Variants in GLIS1 observed in about 807,000 individuals in gnomAD.
The protein encoded by GLIS1 is zinc finger protein GLIS1.
A neutral mutation model predicts 63.8 loss-of-function variants in GLIS1; 24 were observed. That is an observed-to-expected ratio of 0.38 (90% CI 0.27 to 0.53). The LOEUF (loss-of-function observed/expected upper bound fraction) is 0.53, where lower values mean the gene tolerates loss of function less well. Among genes scored for constraint, GLIS1 ranks in the 20% least tolerant of loss-of-function variants. The pLI is 0.85. For missense variants in GLIS1, 1,036 were observed against 1,074.1 expected, an observed-to-expected ratio of 0.96 and a Z score of 0.50; for synonymous variants, 450 against 482.5, an observed-to-expected ratio of 0.93 and a Z score of 0.88.
chr1:53,507,105 C>T (rs1318227278), intron 10 of GLIS1, among the ~76,000 whole-genome samples: 1 of 152,134 alleles, frequency 6.6e-6, no homozygotes, highest in Non-Finnish European at 1.5e-5. Flanking sequence ...GTAGGAGCAG[C>T]TCAGCCCTTG....
At chr1:53,708,064 C>G (rs948758514) in intron 2 of GLIS1, among the ~76,000 whole-genome samples, 1 of 151,976 alleles carries the variant, frequency 6.6e-6, no homozygotes, top group Non-Finnish European at 1.5e-5. Context: ...AGGCAGATCA[C>G]AAGGTCAGGA....
At chr1:53,708,363 A>G (rs1474140314) in intron 2 of GLIS1, among the ~76,000 whole-genome samples, 4 of 152,212 alleles carry the variant, frequency 2.6e-5, no homozygotes, top group Non-Finnish European at 5.9e-5. Flanking sequence ...AAGTGGGGGT[A>G]GTACTTCTTC....
In GLIS1 at chr1:53,612,130, C is replaced by A. The variant is rs894526725; in HGVS notation, c.260-11852G>T. ...TACAGGTGTAAACCATCACACCTAG[C>A]CCACTTCTCAACTTCATAACTGCCA... On this transcript the variant is annotated intron_variant, in intron 2 of 10. Coordinates refer to ENST00000628545, the MANE Select transcript of GLIS1 (RefSeq NM_001367484.1). Among the ~76,000 whole-genome samples the A allele has an allele frequency of 3.3e-5, 5 of 152,346 alleles. No homozygotes were observed. In the East Asian group the frequency reaches 7.7e-4, roughly 23 times the overall value.
intron 2 of GLIS1, among the ~76,000 whole-genome samples, chr1:53,633,813 G>A (rs1381596353): frequency 6.6e-6 from 1 of 152,090 alleles, no homozygotes; most frequent in Admixed American, 6.5e-5. Flanking sequence ...GCGTGGGGGG[G>A]ATAGGGGGAG....
At chr1:53,532,635 G>A (rs1290698315) in intron 4 of GLIS1, among the ~76,000 whole-genome samples, 4 of 152,364 alleles carry the variant, frequency 2.6e-5, no homozygotes, top group Non-Finnish European at 2.9e-5. Context: ...GTGAGATGGG[G>A]GAGCCCGGGC....
At chr1:53,569,818 A>T (rs1644967878) in intron 4 of GLIS1, among the ~76,000 whole-genome samples, 1 of 152,106 alleles carries the variant, frequency 6.6e-6, no homozygotes, top group African/African-American at 2.4e-5. Context: ...AAAAGTAATT[A>T]AAAAAGATAA....
chr1:53,669,963 G>T (rs1646134772), intron 2 of GLIS1, among the ~76,000 whole-genome samples: 1 of 152,168 alleles, frequency 6.6e-6, no homozygotes, highest in South Asian at 2.1e-4. Flanking sequence ...AGCTTGTTTT[G>T]TCAGACAAGC....
intron 2 of GLIS1, among the ~76,000 whole-genome samples, chr1:53,636,765 T>C (rs1469242950): frequency 2.0e-5 from 3 of 152,218 alleles, no homozygotes; most frequent in Admixed American, 1.3e-4. Flanking sequence ...CGACGCCTAC[T>C]GGGCCTTCTG....
chr1:53,570,966 C>T (rs1050203012), intron 4 of GLIS1, among the ~76,000 whole-genome samples: 1 of 152,010 alleles, frequency 6.6e-6, no homozygotes, highest in African/African-American at 2.4e-5. Context: ...AAATTCCACT[C>T]ATGAAAATGA....
intron 2 of GLIS1, among the ~76,000 whole-genome samples, chr1:53,721,073 T>A (rs182283095): frequency 6.6e-6 from 1 of 151,650 alleles, no homozygotes; most frequent in African/African-American, 2.4e-5. Context: ...AACACAAAAA[T>A]CACTTTTTTA....
chr1:53,736,914 G>A (rs1489792736), intron 2 of GLIS1, among the ~76,000 whole-genome samples: 2 of 151,950 alleles, frequency 1.3e-5, no homozygotes, highest in Non-Finnish European at 2.9e-5. Flanking sequence ...AGAATCATCT[G>A]GAATGAGAAC....
chr1:53,552,602 GC>G (rs1365558141), intron 4 of GLIS1, among the ~76,000 whole-genome samples: 1 of 152,204 alleles, frequency 6.6e-6, no homozygotes, highest in African/African-American at 2.4e-5. Flanking sequence ...GAGAAGAAAA[GC>G]AAACATTCCC....
chr1:53,600,346 G>T, intron 2 of GLIS1, 68 bp from the exon 3 acceptor site: 1 of 1,053,714 alleles, frequency 9.5e-7, no homozygotes, highest in Non-Finnish European at 1.2e-6. Flanking sequence ...GGTATGGGGA[G>T]AGGGCAGTCC....
intron 4 of GLIS1, among the ~76,000 whole-genome samples, chr1:53,544,663 C>T (rs182499969): frequency 6.6e-6 from 1 of 152,324 alleles, no homozygotes; most frequent in East Asian, 1.9e-4. Context: ...TCCCTGGTCC[C>T]TCTCCAGGTT....
intron 8 of GLIS1, among the ~76,000 whole-genome samples, chr1:53,512,879 G>A (rs768815584): frequency 7.0e-4 from 107 of 152,156 alleles, no homozygotes; most frequent in Non-Finnish European, 1.2e-3. Context: ...GTGAGCAGGT[G>A]GCCTGAGCAG....
chr1:53,614,802 G>A (rs374362472), intron 2 of GLIS1, among the ~76,000 whole-genome samples: 33 of 142,740 alleles, frequency 2.3e-4, no homozygotes, highest in African/African-American at 7.5e-4. Flanking sequence ...GCACACACAC[G>A]CACACACATG....
At chr1:53,515,628 G>T (rs1477827984) in intron 7 of GLIS1, among the ~76,000 whole-genome samples, 1 of 151,760 alleles carries the variant, frequency 6.6e-6, no homozygotes, top group East Asian at 1.9e-4. Context: ...AATCAATGGG[G>T]GACACTAGGT....
chr1:53,734,222 A>G (rs2100581082), intron 2 of GLIS1: 1 of 984,148 alleles, frequency 1.0e-6, no homozygotes, highest in East Asian at 1.1e-4. Context: ...CCAGTGAGTC[A>G]CTGTAAATTA....
Position 53,598,305 on chromosome 1 carries a change from G to A in GLIS1, c.437+1796C>T, listed in dbSNP as rs1016704571. On this transcript the variant is annotated intron_variant, in intron 3 of 10. Coordinates refer to ENST00000628545, the MANE Select transcript of GLIS1 (RefSeq NM_001367484.1). The surrounding 1 kb of genome is among the most constrained non-coding windows in gnomAD (Gnocchi z 4.6). ...CGCCTGTAATCCCAGCACTTTGGGA[G>A]GCTGAGGCAGGTGAATTGCTTGAGC... Among the ~76,000 whole-genome samples, 11 of 152,232 alleles carry A rather than the reference G, an allele frequency of 7.2e-5. No homozygotes were observed. Among genetic ancestry groups the A allele is most frequent in the Non-Finnish European group, 2.9e-5 (2 of 68,048 alleles).
Sources: allele counts gnomAD v4.1 joint callset (sites outside exome capture counted in the v4.1 genomes callset), GRCh38; gene constraint gnomAD v4.1.1; non-coding constraint Gnocchi (gnomAD v3.1); transcripts MANE v1.5; gene names NCBI Gene and HGNC (gene_info 2026-07-23, HGNC 2026-07-21).